FANK1: variants seen among roughly 807,000 people sequenced by gnomAD.
FANK1 encodes the protein fibronectin type III and ankyrin repeat domains 1.
Under a neutral mutation model 45.3 loss-of-function variants are expected in FANK1, and 44 were observed. The observed-to-expected ratio is 0.97, with a 90% CI of 0.76 to 1.25. The LOEUF is 1.25. FANK1 is among the 50% of genes most tolerant of loss of function. FANK1 has a pLI of 0.00. For synonymous variants in FANK1, 149 were observed against 152.5 expected, an observed-to-expected ratio of 0.98 and a Z score of 0.17; for missense variants, 391 against 424.4, an observed-to-expected ratio of 0.92 and a Z score of 0.69.
chr10:125,943,628 ACT>A (rs896108532), intron 1 of FANK1, among the ~76,000 whole-genome samples: 4 of 152,160 alleles, frequency 2.6e-5, no homozygotes, highest in East Asian at 1.9e-4. Flanking sequence ...TTTTGAATGA[ACT>A]CTCTATTCAT....
chr10:125,920,559 G>A (rs1946872022), intron 1 of FANK1, among the ~76,000 whole-genome samples: 1 of 152,198 alleles, frequency 6.6e-6, no homozygotes, highest in Admixed American at 6.5e-5. Flanking sequence ...AAACATTTCT[G>A]CTTCTCTGTG....
chr10:125,901,910 C>G (rs1945069175), intron 1 of FANK1, among the ~76,000 whole-genome samples: 1 of 152,230 alleles, frequency 6.6e-6, no homozygotes, highest in South Asian at 2.1e-4. Flanking sequence ...CACCTGAGGT[C>G]AGGAGTTTGA....
At chr10:125,986,660 C>G (rs575132696) in intron 2 of FANK1, among the ~76,000 whole-genome samples, 1 of 152,270 alleles carries the variant, frequency 6.6e-6, no homozygotes, top group East Asian at 1.9e-4. Context: ...GAGACGTCTG[C>G]CTGTCTGTCA....
chr10:126,003,889 T>A (rs572635308), intron 6 of FANK1, among the ~76,000 whole-genome samples: 2 of 152,188 alleles, frequency 1.3e-5, no homozygotes, highest in African/African-American at 4.8e-5. Flanking sequence ...TTGCTCAGGC[T>A]GGTCTTGAAC....
intron 1 of FANK1, among the ~76,000 whole-genome samples, chr10:125,915,478 T>G (rs1300724502): frequency 2.6e-5 from 4 of 152,224 alleles, no homozygotes; most frequent in Non-Finnish European, 4.4e-5. Context: ...TTATCTGTTC[T>G]TTTCAACTTC....
At chr10:125,969,670 G>C (rs550123965) in intron 1 of FANK1, among the ~76,000 whole-genome samples, 2 of 151,550 alleles carry the variant, frequency 1.3e-5, no homozygotes, top group Admixed American at 1.3e-4. Context: ...GGTGTTTCTC[G>C]GAGAGGGGGA....
intron 1 of FANK1, among the ~76,000 whole-genome samples, chr10:125,930,513 T>A (rs1047229063): frequency 6.6e-6 from 1 of 151,798 alleles, no homozygotes; most frequent in Non-Finnish European, 1.5e-5. Flanking sequence ...TTTTTTTTTT[T>A]TTTTATTAGA....
chr10:125,958,768 C>A (rs902512821), intron 1 of FANK1, among the ~76,000 whole-genome samples: 1 of 152,130 alleles, frequency 6.6e-6, no homozygotes, highest in Non-Finnish European at 1.5e-5. Flanking sequence ...TATTTCTTGG[C>A]CATTTGTTTG....
chr10:125,981,036 G>T (rs542575518), intron 2 of FANK1: 1 of 152,324 alleles, frequency 6.6e-6, no homozygotes, highest in East Asian at 1.9e-4. Flanking sequence ...TTACCTTGTT[G>T]TTTACTTGTT....
intron 1 of FANK1, among the ~76,000 whole-genome samples, chr10:125,965,257 G>T (rs1950145852): frequency 6.6e-6 from 1 of 152,134 alleles, no homozygotes; most frequent in African/African-American, 2.4e-5. Flanking sequence ...AGGTTTCACT[G>T]GCAATCCTCC....
At chr10:126,009,330 C>T (rs748713172) in intron 10 of FANK1, 43 bp from the exon 11 acceptor site, 2 of 1,613,722 alleles carry the variant, frequency 1.2e-6, no homozygotes, top group Admixed American at 1.7e-5. Context: ...GAAAAACCAC[C>T]AAAACCCTGG....
intron 1 of FANK1, among the ~76,000 whole-genome samples, chr10:125,975,410 T>C (rs969680954): frequency 4.6e-5 from 7 of 152,218 alleles, no homozygotes; most frequent in Non-Finnish European, 1.0e-4. Flanking sequence ...TAGCTCTTTG[T>C]GGAATTGCCA....
At chr10:125,916,498 A>G (rs1946457606) in intron 1 of FANK1, among the ~76,000 whole-genome samples, 1 of 152,120 alleles carries the variant, frequency 6.6e-6, no homozygotes, top group African/African-American at 2.4e-5. Context: ...TGTCTATTTG[A>G]TATAAAAAAA....
chr10:126,004,202 AC>A lies in FANK1; in HGVS notation c.540-680del, dbSNP rs1457693216. On this transcript the variant is annotated intron_variant, in intron 6 of 10. Transcript: ENST00000368693. The stretch of plus-strand genomic sequence containing the variant: ...AAAAGAAAATATTTAATTTTTAAAT[AC>A]CAATTTTTAGAGTAAGAAATTGGTT... The A allele has an allele frequency of 4.0e-5, 6 of 151,060 alleles. No individual in the cohort carries two copies. In the East Asian group the frequency reaches 1.2e-3, roughly 29 times the overall value. The allele number at this position is 151,060 out of a possible 1,614,324, so 9.4% of individuals were successfully genotyped here. A position where few individuals can be genotyped will look rare whatever the true frequency, so the allele number is the denominator to read the frequency against.
chr10:125,918,173 C>T (rs1206300954), intron 1 of FANK1, among the ~76,000 whole-genome samples: 1 of 152,304 alleles, frequency 6.6e-6, no homozygotes, highest in Non-Finnish European at 1.5e-5. Context: ...AGTTTCACTT[C>T]GGGATGATGA....
At chr10:125,962,109 A>C (rs1206536851) in intron 1 of FANK1, among the ~76,000 whole-genome samples, 2 of 152,238 alleles carry the variant, frequency 1.3e-5, no homozygotes, top group African/African-American at 4.8e-5. Flanking sequence ...TAATATCCAG[A>C]ATATCCAAGG....
chr10:125,902,467 A>T (rs1945123379), intron 1 of FANK1, among the ~76,000 whole-genome samples: 1 of 152,210 alleles, frequency 6.6e-6, no homozygotes, highest in Non-Finnish European at 1.5e-5. Flanking sequence ...GTGTACTTAA[A>T]AAAAGAAAGC....
chr10:125,922,576 G>C (rs1589866666), intron 1 of FANK1, among the ~76,000 whole-genome samples: 2 of 152,204 alleles, frequency 1.3e-5, no homozygotes, highest in South Asian at 4.1e-4. Context: ...GAGCACAGTG[G>C]CATGATCAGG....
intron 1 of FANK1, among the ~76,000 whole-genome samples, chr10:125,963,794 A>G (rs2134182313): frequency 6.6e-6 from 1 of 152,256 alleles, no homozygotes; most frequent in South Asian, 2.1e-4. Flanking sequence ...CCTAATGTAA[A>G]TGACGAGATA....
Sources: gnomAD v4.1 joint callset for allele counts (sites outside exome capture counted in the v4.1 genomes callset) on GRCh38, gnomAD v4.1.1 for gene constraint, MANE v1.5 for transcripts, NCBI Gene and HGNC (gene_info 2026-07-23, HGNC 2026-07-21) for gene names.